Variants in ERBIN observed in about 807,000 individuals in gnomAD.
ERBIN encodes densin-180-like protein.
Under a neutral mutation model 158.4 loss-of-function variants are expected in ERBIN, and 60 were observed. The ratio of observed to expected loss-of-function variants is 0.38; its 90% confidence interval spans 0.31 to 0.47. The LOEUF is 0.47. ERBIN is among the 20% of genes least tolerant of loss of function. The pLI, the probability that ERBIN is intolerant of heterozygous loss-of-function variation, is 0.99. For synonymous variants in ERBIN, 594 were observed against 557.2 expected, an observed-to-expected ratio of 1.07 and a Z score of -0.93; for missense variants, 1,610 against 1,648.0, an observed-to-expected ratio of 0.98 and a Z score of 0.40.
At chr5:65,991,635 T>C (rs992447618) in intron 2 of ERBIN, among the ~76,000 whole-genome samples, 3 of 152,240 alleles carry the variant, frequency 2.0e-5, no homozygotes, top group Non-Finnish European at 4.4e-5. Context: ...TTAATTGCTT[T>C]ATTACTTGTG....
rs116806097 is a variant in ERBIN, at chr5:66,049,830, T to C, written c.1904-953T>C. Among the ~76,000 whole-genome samples the C allele has an allele frequency of 4.3e-3, 650 of 152,250 alleles. 6 individuals carry two copies. The highest frequency in any genetic ancestry group is 0.014 in the African/African-American group (598 of 41,574). On this transcript the variant is annotated intron_variant, in intron 19 of 25. Coordinates refer to ENST00000284037, the MANE Select transcript of ERBIN (RefSeq NM_001253697.2). ...ACTACTTTAAAAAAATACTACTTGT[T>C]ATACTACCTATTATAGAATATGAAC...
chr5:65,983,554 C>T (rs1180282940), intron 1 of ERBIN, among the ~76,000 whole-genome samples: 1 of 152,100 alleles, frequency 6.6e-6, no homozygotes, highest in Non-Finnish European at 1.5e-5. Flanking sequence ...ATACCAAATA[C>T]AGATTAGCAA....
chr5:65,928,184 CTTTA>C lies in ERBIN; in HGVS notation c.-58+1385_-58+1388del, dbSNP rs531290418. On this transcript the variant is annotated intron_variant, in intron 1 of 25. Transcript: ENST00000284037. ...ATTAAGTACATCTCCAAAGGCAGTCCTTTATTTATTACTGTAGTTTTGATTTTTT... is the reference window on the plus strand; with the variant it reads ...ATTAAGTACATCTCCAAAGGCAGTCCTTTATTACTGTAGTTTTGATTTTTT... Among the ~76,000 whole-genome samples the C allele has an allele frequency of 3.4e-3, 521 of 151,540 alleles. 7 individuals are homozygous for C. The highest frequency in any genetic ancestry group is 0.027 in the South Asian group (131 of 4,798).
chr5:65,952,931 A>C (rs1170548724), intron 1 of ERBIN, among the ~76,000 whole-genome samples: 1 of 152,222 alleles, frequency 6.6e-6, no homozygotes, highest in African/African-American at 2.4e-5. Context: ...TAAAAGTTAT[A>C]AATCAATCTT....
At position 66,021,237 on chromosome 5, in the gene ERBIN, C is replaced by G. The variant is rs896743823; in HGVS notation, c.534-85C>G. ...GAAAGCCCATAAATAATTACCTATT[C>G]CATAAGAATGTTTTAGACTGTTTTG... On this transcript the variant is annotated intron_variant, in intron 7 of 25. Transcript: ENST00000284037. The G allele has an allele frequency of 1.4e-5, 10 of 721,208 alleles. No individual in the cohort carries two copies. The Admixed American group carries it at 2.6e-4, about 19-fold the overall frequency. 44.7% of individuals were successfully genotyped at this position (721,208 alleles called of 1,614,324 possible). A position where few individuals can be genotyped will look rare whatever the true frequency, so the allele number is the denominator to read the frequency against.
intron 4 of ERBIN, among the ~76,000 whole-genome samples, chr5:66,007,772 A>G (rs1210349970): frequency 6.6e-6 from 1 of 152,218 alleles, no homozygotes; most frequent in African/African-American, 2.4e-5. Context: ...TTTGCTGAAT[A>G]ACTTTGAAGA....
chr5:66,050,867 G>T lies in ERBIN; in HGVS notation c.1988G>T (p.Arg663Leu), dbSNP rs558450913. 6.2e-7 allele frequency: 1 copy of T among 1,602,302 alleles called. No homozygotes were observed. Among genetic ancestry groups the T allele is most frequent in the Non-Finnish European group, 8.5e-7 (1 of 1,175,432 alleles). ...AACAGCAATTGTTCTTCTCCATCTC[G>T]GATGTCTGATTCAGTTTCTCTTAAT... ...QNNSNCSSPS[R>L]MSDSVSLNTD... The change falls in exon 20 of 26, where the codon CGG becomes CTG. Residue 663 changes from arginine to leucine, a missense_variant. By Grantham distance (102) the Arg-to-Leu change is moderately radical. Transcript: ENST00000284037.
At chr5:66,034,792 C>T (rs1757229690) in intron 14 of ERBIN, among the ~76,000 whole-genome samples, 1 of 152,050 alleles carries the variant, frequency 6.6e-6, no homozygotes, top group African/African-American at 2.4e-5. Flanking sequence ...AGAGAAAGCA[C>T]ACAACTGGAA....
intron 1 of ERBIN, among the ~76,000 whole-genome samples, chr5:65,960,443 A>G (rs759575523): frequency 3.3e-5 from 5 of 152,202 alleles, no homozygotes; most frequent in Admixed American, 6.5e-5. Flanking sequence ...AGACCTCTGC[A>G]TTTCGCTATA....
chr5:66,072,661 T>C (rs1761633783), intron 22 of ERBIN, among the ~76,000 whole-genome samples: 1 of 152,226 alleles, frequency 6.6e-6, no homozygotes, highest in Non-Finnish European at 1.5e-5. Context: ...CTTTTACTAT[T>C]ACTAAAGTCA....
At chr5:65,942,032 G>A (rs894733812) in intron 1 of ERBIN, among the ~76,000 whole-genome samples, 7 of 151,950 alleles carry the variant, frequency 4.6e-5, no homozygotes, top group African/African-American at 1.5e-4. Context: ...GAGCCACTGC[G>A]TCTGGCCCTC....
chr5:65,931,098 T>G (rs1743322194), intron 1 of ERBIN, among the ~76,000 whole-genome samples: 1 of 152,122 alleles, frequency 6.6e-6, no homozygotes, highest in South Asian at 2.1e-4. Flanking sequence ...TATCTGGAGG[T>G]TATTTATTAT....
At chr5:65,955,465 A>T (rs1369561484) in intron 1 of ERBIN, among the ~76,000 whole-genome samples, 1 of 152,108 alleles carries the variant, frequency 6.6e-6, no homozygotes, top group Non-Finnish European at 1.5e-5. Context: ...CCCCATCTTT[A>T]CTAAAAATAG....
chr5:65,940,397 C>A (rs1309801889), intron 1 of ERBIN, among the ~76,000 whole-genome samples: 1 of 146,066 alleles, frequency 6.8e-6, no homozygotes, highest in Non-Finnish European at 1.5e-5. Context: ...CCGGCAGCCA[C>A]CTCGTCCGGG....
intron 7 of ERBIN, among the ~76,000 whole-genome samples, chr5:66,018,461 AT>A (rs1755072024): frequency 1.2e-4 from 1 of 8,236 alleles, no homozygotes; most frequent in Non-Finnish European, 2.4e-4. Flanking sequence ...ATATTATATT[AT>A]ATAATATATA....
intron 21 of ERBIN, among the ~76,000 whole-genome samples, chr5:66,068,121 A>C (rs1275642124): frequency 6.6e-6 from 1 of 151,974 alleles, no homozygotes; most frequent in African/African-American, 2.4e-5. Context: ...TGAAGGAAGG[A>C]GTTTGAGACC....
chr5:66,038,895 C>A (rs1580431548), intron 15 of ERBIN, among the ~76,000 whole-genome samples: 1 of 151,916 alleles, frequency 6.6e-6, no homozygotes, highest in South Asian at 2.1e-4. Flanking sequence ...CTCTTAAATT[C>A]TTTTCTTTAT....
chr5:66,023,414 G>A (rs1364976471), intron 9 of ERBIN, 50 bp downstream of exon 9: 1 of 1,216,220 alleles, frequency 8.2e-7, no homozygotes, highest in Middle Eastern at 1.9e-4. Context: ...GCTCTCCTTT[G>A]CAGTTTTGTG....
Position 65,994,871 on chromosome 5 carries a change from CT to C in ERBIN, c.307+14del, listed in dbSNP as rs753861899. 4.6e-6 allele frequency: 7 copies of C among 1,534,732 alleles called. No homozygotes were observed. Among genetic ancestry groups the C allele is most frequent in the Admixed American group, 1.9e-5 (1 of 53,442 alleles). On this transcript the variant is annotated splice_region_variant and intron_variant, in intron 4 of 25. Transcript: ENST00000284037. ...CTGGATGTCAGCAAGAATGGTAAGG[CT>C]TTTTTTGCCCATAATTTTTTGTACT...
Sources: allele counts gnomAD v4.1 joint callset (sites outside exome capture counted in the v4.1 genomes callset), GRCh38; gene constraint gnomAD v4.1.1; transcripts MANE v1.5; gene names NCBI Gene and HGNC (gene_info 2026-07-23, HGNC 2026-07-21).